Variants in RALGPS1 observed in about 807,000 individuals in gnomAD.
RALGPS1 encodes the protein Ral GEF with PH domain and SH3 binding motif 1, also known as ras-specific guanine nucleotide-releasing factor RalGPS1.
In RALGPS1, 19 loss-of-function variants were observed where a neutral mutation model predicts 78.8. The ratio of observed to expected loss-of-function variants is 0.24; its 90% confidence interval spans 0.17 to 0.35. The LOEUF is 0.35. RALGPS1 is among the 10% of genes least tolerant of loss of function. The probability of loss-of-function intolerance (pLI) is 1.00; values close to 1 mark genes in which losing one functional copy is unlikely to be tolerated. For missense variants in RALGPS1, 454 were observed against 688.3 expected (o/e 0.66, Z 3.81); for synonymous variants, 228 against 256.3 (o/e 0.89, Z 1.06).
At chr9:127,012,382 T>G (rs2044424625) in intron 4 of RALGPS1, among the ~76,000 whole-genome samples, 1 of 152,082 alleles carries the variant, frequency 6.6e-6, no homozygotes, top group East Asian at 1.9e-4. Context: ...TTGTACCATC[T>G]CCCCCTGAGC....
At chr9:127,186,509 T>A (rs555871393) in intron 11 of RALGPS1, among the ~76,000 whole-genome samples, 1 of 152,348 alleles carries the variant, frequency 6.6e-6, no homozygotes, top group East Asian at 1.9e-4. Flanking sequence ...AGAAGACACG[T>A]GTCCCTGGTG....
intron 1 of RALGPS1, among the ~76,000 whole-genome samples, chr9:126,929,962 T>C (rs2035645167): frequency 1.3e-5 from 2 of 152,136 alleles, no homozygotes; most frequent in Non-Finnish European, 2.9e-5. Flanking sequence ...CACCTCAGCC[T>C]CCTAAGACTA....
chr9:127,170,508 A>G (rs2059516746), intron 10 of RALGPS1, among the ~76,000 whole-genome samples: 1 of 152,256 alleles, frequency 6.6e-6, no homozygotes, highest in South Asian at 2.1e-4. Context: ...CATTAAAATT[A>G]TGCTTACCAC....
intron 2 of RALGPS1, 139 bp from the exon 3 acceptor site, chr9:126,965,705 G>A (rs2039417095): frequency 3.2e-6 from 2 of 628,270 alleles, no homozygotes; most frequent in Non-Finnish European, 5.6e-6. Flanking sequence ...CCTGGACTGG[G>A]GTAAAGCTCT....
In RALGPS1 at chr9:127,199,103, C is replaced by T. The variant is rs775581963; in HGVS notation, c.1247+37C>T. Reference sequence around the variant, plus strand: ...CTCAGCATGGCCTCCCTCCCAGGGGCGGTGCTCAGGGCTGAGGGAGCCGAA... The same window carrying T: ...CTCAGCATGGCCTCCCTCCCAGGGGTGGTGCTCAGGGCTGAGGGAGCCGAA... On this transcript the variant is annotated intron_variant, in intron 14 of 18. Coordinates refer to ENST00000259351, the MANE Select transcript of RALGPS1 (RefSeq NM_014636.3). The T allele has an allele frequency of 7.1e-5, 113 of 1,597,500 alleles. No homozygotes were observed. In the Middle Eastern group the frequency reaches 1.3e-3, roughly 19 times the overall value.
chr9:127,188,096 C>G lies in RALGPS1; in HGVS notation c.911-6995C>G, dbSNP rs553757403. On this transcript the variant is annotated intron_variant, in intron 11 of 18. Transcript: ENST00000259351. ...TTTTTTTTTTAGACGGAGTCTCACT[C>G]TGTTGCTCAGGCTGGAGTGCAGTGG... 2.2e-4 allele frequency among the ~76,000 whole-genome samples: 27 copies of G among 121,306 alleles called. 1 individual carries two copies. The highest frequency in any genetic ancestry group is 0.014 in the Middle Eastern group (2 of 146). 79.6% of individuals were successfully genotyped at this position (121,306 alleles called of 152,430 possible). A position where few individuals can be genotyped will look rare whatever the true frequency, so the allele number is the denominator to read the frequency against.
In RALGPS1 at chr9:127,158,591, T is replaced by A. The variant is rs565313784; in HGVS notation, c.611-7478T>A. On this transcript the variant is annotated intron_variant, in intron 8 of 18. Coordinates refer to ENST00000259351, the MANE Select transcript of RALGPS1 (RefSeq NM_014636.3). ...ATTGATTTTCTCAAAGAACCAACTTTCAGTTTTATTTATCACTTTGCTAGA... is the reference window on the plus strand; with the variant it reads ...ATTGATTTTCTCAAAGAACCAACTTACAGTTTTATTTATCACTTTGCTAGA... Among the ~76,000 whole-genome samples, 75 of 152,326 alleles carry A rather than the reference T, an allele frequency of 4.9e-4. 1 individual carries two copies. In the South Asian group the frequency reaches 0.015, roughly 31 times the overall value.
At position 127,100,458 on chromosome 9, in the gene RALGPS1, G is replaced by A. The variant is rs553944934; in HGVS notation, c.610+31102G>A. Among the ~76,000 whole-genome samples the A allele has an allele frequency of 2.7e-3, 409 of 152,328 alleles. 3 individuals carry two copies. The highest frequency in any genetic ancestry group is 4.6e-3 in the Non-Finnish European group (310 of 68,034). The stretch of plus-strand genomic sequence containing the variant: ...GCGTCGCTCTTAGGTTTCCACCAGC[G>A]CTGTTGGGCAGGAGGAGAAACAGGG... On this transcript the variant is annotated intron_variant, in intron 8 of 18. Coordinates refer to ENST00000259351, the MANE Select transcript of RALGPS1 (RefSeq NM_014636.3).
chr9:126,917,937 G>T (rs1332694164), intron 1 of RALGPS1, among the ~76,000 whole-genome samples: 2 of 152,112 alleles, frequency 1.3e-5, no homozygotes, highest in Admixed American at 1.3e-4. Context: ...TTCTTCAAAG[G>T]CAGGAGGGAG....
In RALGPS1 at chr9:127,070,814, A is replaced by G. The variant is rs1263765335; in HGVS notation, c.610+1458A>G. Among the ~76,000 whole-genome samples, 4 of 151,920 alleles carry G rather than the reference A, an allele frequency of 2.6e-5. No homozygotes were observed. The East Asian group carries it at 7.7e-4, about 29-fold the overall frequency. ...ATTTTTTGAAGTTACATTTTTGACA[A>G]TTTTAAAATTTCTTTCATGAGCATT... On this transcript the variant is annotated intron_variant, in intron 8 of 18. Transcript: ENST00000259351.
At chr9:127,133,986 G>A (rs2057207243) in intron 8 of RALGPS1, among the ~76,000 whole-genome samples, 1 of 148,152 alleles carries the variant, frequency 6.7e-6, no homozygotes, top group Non-Finnish European at 1.5e-5. Flanking sequence ...TATCCCCTTA[G>A]TAAATGCTCT....
intron 7 of RALGPS1, among the ~76,000 whole-genome samples, chr9:127,067,735 T>C (rs1458091910): frequency 2.6e-5 from 4 of 152,242 alleles, no homozygotes; most frequent in African/African-American, 9.6e-5. Flanking sequence ...TGTTTATTCA[T>C]GCTCTTGGGC....
intron 13 of RALGPS1, among the ~76,000 whole-genome samples, chr9:127,198,117 G>A (rs139000394): frequency 3.3e-5 from 5 of 152,318 alleles, no homozygotes; most frequent in African/African-American, 4.8e-5. Flanking sequence ...TTTGGTTCCC[G>A]GCTCCTCAAG....
chr9:127,128,028 C>T (rs1163995716), intron 8 of RALGPS1, among the ~76,000 whole-genome samples: 1 of 147,484 alleles, frequency 6.8e-6, no homozygotes, highest in Non-Finnish European at 1.5e-5. Context: ...CTCCCCCAGC[C>T]CCCCACCCCC....
At chr9:126,985,412 C>G (rs1199674286) in intron 4 of RALGPS1, among the ~76,000 whole-genome samples, 1 of 152,106 alleles carries the variant, frequency 6.6e-6, no homozygotes, top group Non-Finnish European at 1.5e-5. Flanking sequence ...GAGGATTGCT[C>G]GTTATACTAC....
At chr9:126,926,365 A>G (rs1388393427) in intron 1 of RALGPS1, among the ~76,000 whole-genome samples, 2 of 152,230 alleles carry the variant, frequency 1.3e-5, no homozygotes, top group African/African-American at 4.8e-5. Context: ...ATGGAAGCTC[A>G]TGGGACCGAG....
At chr9:126,982,213 C>T (rs1038433420) in intron 4 of RALGPS1, among the ~76,000 whole-genome samples, 5 of 152,194 alleles carry the variant, frequency 3.3e-5, no homozygotes, top group African/African-American at 9.7e-5. Context: ...GGGCACTATA[C>T]AAGAGCTGGA....
At chr9:126,972,575 G>A (rs2040221255) in intron 3 of RALGPS1, among the ~76,000 whole-genome samples, 1 of 152,144 alleles carries the variant, frequency 6.6e-6, no homozygotes, top group Non-Finnish European at 1.5e-5. Flanking sequence ...CGCCACCTGC[G>A]GTCTTGCCAA....
intron 4 of RALGPS1, among the ~76,000 whole-genome samples, chr9:127,001,159 A>G (rs781722083): frequency 1.7e-4 from 26 of 151,610 alleles, no homozygotes; most frequent in Non-Finnish European, 3.2e-4. Flanking sequence ...ATGGTGGTGC[A>G]TGCCTGTCGT....
Sources: allele counts gnomAD v4.1 joint callset (sites outside exome capture counted in the v4.1 genomes callset), GRCh38; gene constraint gnomAD v4.1.1; transcripts MANE v1.5; gene names NCBI Gene and HGNC (gene_info 2026-07-23, HGNC 2026-07-21).